The following CSRNP3 variants were observed in gnomAD, a reference collection of about 807,000 sequenced individuals.
CSRNP3 encodes cysteine/serine-rich nuclear protein 3.
In CSRNP3, 12 loss-of-function variants were observed where a neutral mutation model predicts 48.0. The observed-to-expected ratio is 0.25, with a 90% confidence interval of 0.16 to 0.41. The LOEUF (loss-of-function observed/expected upper bound fraction) is 0.41. Among genes scored for constraint, CSRNP3 ranks in the 10% least tolerant of loss-of-function variants. The probability of loss-of-function intolerance (pLI) is 1.00; values close to 1 mark genes in which losing one functional copy is unlikely to be tolerated. For synonymous variants in CSRNP3, 263 were observed against 269.7 expected, an observed-to-expected ratio of 0.98 and a Z score of 0.24; for missense variants, 580 against 724.4, an observed-to-expected ratio of 0.80 and a Z score of 2.29.
chr2:165,660,524 C>T (rs777332432), intron 5 of CSRNP3, among the ~76,000 whole-genome samples: 2 of 152,088 alleles, frequency 1.3e-5, no homozygotes, highest in Non-Finnish European at 2.9e-5. Flanking sequence ...AGGACTGACA[C>T]GCTGTCTGAG....
chr2:165,675,060 A>G (rs569491740), intron 5 of CSRNP3, among the ~76,000 whole-genome samples: 1 of 152,132 alleles, frequency 6.6e-6, no homozygotes, highest in African/African-American at 2.4e-5. Context: ...TATTTCCTCT[A>G]TGAAAGTTTC....
In CSRNP3 at chr2:165,533,937, T is replaced by C. The variant is rs137863393; in HGVS notation, c.-24+15976T>C. 1.3e-3 allele frequency among the ~76,000 whole-genome samples: 193 copies of C among 152,168 alleles called. 2 individuals are homozygous for C. The highest frequency in any genetic ancestry group is 0.01 in the East Asian group (53 of 5,180). Reference sequence around the variant, plus strand: ...AATAAATGTTACTGTTTTCAACATATCTGTTACAGAAGATTTGCATTGATA... The same window carrying C: ...AATAAATGTTACTGTTTTCAACATACCTGTTACAGAAGATTTGCATTGATA... On this transcript the variant is annotated intron_variant, in intron 3 of 6. Coordinates refer to ENST00000651982, the MANE Select transcript of CSRNP3 (RefSeq NM_001172173.2).
At chr2:165,590,966 C>T (rs1685707351) in intron 3 of CSRNP3, among the ~76,000 whole-genome samples, 1 of 152,120 alleles carries the variant, frequency 6.6e-6, no homozygotes, top group Non-Finnish European at 1.5e-5. Flanking sequence ...GGCTGGGTAA[C>T]AGGCAGAGGT....
chr2:165,504,369 G>A (rs967622677), intron 2 of CSRNP3, among the ~76,000 whole-genome samples: 16 of 151,966 alleles, frequency 1.1e-4, no homozygotes, highest in Non-Finnish European at 1.5e-4. Flanking sequence ...TTATTCTTGT[G>A]TGAAAGATAA....
At chr2:165,572,420 G>A (rs1028359462) in intron 3 of CSRNP3, 2 of 152,102 alleles carry the variant, frequency 1.3e-5, no homozygotes, top group African/African-American at 4.8e-5. Flanking sequence ...GAACAATAAA[G>A]CATATGGTAC....
At chr2:165,677,328 G>A (rs1292243723) in intron 6 of CSRNP3, among the ~76,000 whole-genome samples, 3 of 152,098 alleles carry the variant, frequency 2.0e-5, no homozygotes, top group African/African-American at 7.2e-5. Context: ...AGCCCATATG[G>A]CCCACAAAGC....
chr2:165,506,190 T>C (rs1684423985), intron 2 of CSRNP3, among the ~76,000 whole-genome samples: 1 of 152,188 alleles, frequency 6.6e-6, no homozygotes, highest in African/African-American at 2.4e-5. Flanking sequence ...CATATTACTC[T>C]CTTCTTGAAG....
At position 165,604,726 on chromosome 2, in the gene CSRNP3, G is replaced by A. The variant is rs116245220; in HGVS notation, c.148+9513G>A. 1.6e-3 allele frequency among the ~76,000 whole-genome samples: 246 copies of A among 152,288 alleles called. 1 individual carries two copies. The highest frequency in any genetic ancestry group is 5.6e-3 in the African/African-American group (232 of 41,570). On this transcript the variant is annotated intron_variant, in intron 4 of 6. Transcript: ENST00000651982. ...CTGTATAACACACTTGAGGGAGTCT[G>A]AGTTGTTTTCACCTTCACCATCCTT...
chr2:165,658,800 C>T (rs574466855), intron 5 of CSRNP3, among the ~76,000 whole-genome samples: 6 of 152,234 alleles, frequency 3.9e-5, no homozygotes, highest in South Asian at 4.1e-4. Context: ...ACCATGAGAA[C>T]GCTATGGGGG....
intron 3 of CSRNP3, among the ~76,000 whole-genome samples, chr2:165,586,775 A>G (rs762225269): frequency 6.6e-6 from 1 of 152,218 alleles, no homozygotes; most frequent in Non-Finnish European, 1.5e-5. Flanking sequence ...AAGCCATGGA[A>G]TTTTTAGACT....
chr2:165,646,559 A>C (rs919663133), intron 4 of CSRNP3, among the ~76,000 whole-genome samples: 3 of 152,202 alleles, frequency 2.0e-5, no homozygotes, highest in African/African-American at 4.8e-5. Context: ...GAAGAATAGC[A>C]AATGTTTCCT....
intron 5 of CSRNP3, among the ~76,000 whole-genome samples, chr2:165,668,858 T>C (rs879243184): frequency 1.3e-5 from 2 of 152,210 alleles, no homozygotes; most frequent in Admixed American, 1.3e-4. Context: ...TTAAGAATTT[T>C]TACTCCAACT....
rs1558976104 is a variant in CSRNP3 at position 165,685,156 on chromosome 2, A to G, written c.*5403A>G. On this transcript the variant is annotated 3_prime_UTR_variant, in exon 7 of 7. Coordinates refer to ENST00000651982, the MANE Select transcript of CSRNP3 (RefSeq NM_001172173.2). ...ATTGTCAAAAGTAAAAAGTGCAGAC[A>G]TTTAAAAAAGCTCTTCTTTCACATT... The G allele has an allele frequency of 6.6e-6, 1 of 152,134 alleles. No individual in the cohort carries two copies. The highest frequency in any genetic ancestry group is 1.5e-5 in the Non-Finnish European group (1 of 68,006). The allele number at this position is 152,134 out of a possible 1,614,324, so 9.4% of individuals were successfully genotyped here. A position where few individuals can be genotyped will look rare whatever the true frequency, so the allele number is the denominator to read the frequency against.
At chr2:165,600,525 A>G (rs890766408) in intron 4 of CSRNP3, among the ~76,000 whole-genome samples, 64 of 152,314 alleles carry the variant, frequency 4.2e-4, no homozygotes, top group Non-Finnish European at 6.2e-4. Context: ...CTCCACAAGG[A>G]TTGAACTAGT....
At chr2:165,673,937 C>T (rs1166444215) in intron 5 of CSRNP3, among the ~76,000 whole-genome samples, 1 of 152,134 alleles carries the variant, frequency 6.6e-6, no homozygotes, top group Non-Finnish European at 1.5e-5. Flanking sequence ...AGGAGAATCA[C>T]TTGAACCTGG....
chr2:165,574,133 GC>G, intron 3 of CSRNP3: 1 of 494,032 alleles, frequency 2.0e-6, no homozygotes. Flanking sequence ...GATTCAGGTA[GC>G]CTGGCAGAAC....
chr2:165,661,718 TAAAGAC>T (rs1157573954), intron 5 of CSRNP3, among the ~76,000 whole-genome samples: 1 of 152,172 alleles, frequency 6.6e-6, no homozygotes, highest in Non-Finnish European at 1.5e-5. Context: ...TAAGGATTGT[TAAAGAC>T]AAACTTTGCT....
At chr2:165,563,730 G>A (rs1450446711) in intron 3 of CSRNP3, among the ~76,000 whole-genome samples, 1 of 152,108 alleles carries the variant, frequency 6.6e-6, no homozygotes, top group Non-Finnish European at 1.5e-5. Context: ...CAGAGACATA[G>A]TATTAAGACA....
chr2:165,665,897 G>A (rs1357979982), intron 5 of CSRNP3, among the ~76,000 whole-genome samples: 1 of 148,684 alleles, frequency 6.7e-6, no homozygotes, highest in Non-Finnish European at 1.5e-5. Context: ...AGGAAGGAGG[G>A]AGGGAAGGAA....
Sources: gnomAD v4.1 joint callset for allele counts (sites outside exome capture counted in the v4.1 genomes callset) on GRCh38, gnomAD v4.1.1 for gene constraint, MANE v1.5 for transcripts, NCBI Gene and HGNC (gene_info 2026-07-23, HGNC 2026-07-21) for gene names.